The following PRP4K variants were observed in gnomAD, a reference collection of about 807,000 sequenced individuals.
PRP4K encodes serine/threonine-protein kinase PRP4 homolog.
the PRP4K span, among the ~76,000 whole-genome samples, chr6:4,035,148 G>T: frequency 6.7e-6 from 1 of 148,538 alleles, no homozygotes; most frequent in African/African-American, 2.5e-5. Context: ...ATGGAGTCTC[G>T]CTCTGTCGCC....
At chr6:4,028,968 C>T in the PRP4K span, among the ~76,000 whole-genome samples, 103,600 of 149,398 alleles carry the variant, frequency 0.69, 35,753 homozygotes, top group East Asian at 0.77. Context: ...ACTCCTAGAA[C>T]CATATATTAT....
the PRP4K span, chr6:4,032,754 A>G: frequency 6.4e-7 from 1 of 1,562,328 alleles, no homozygotes; most frequent in South Asian, 1.2e-5. Context: ...TTCTTCTCCA[A>G]GGTAACTTGT....
chr6:4,028,282 T>C, the PRP4K span, among the ~76,000 whole-genome samples: 2 of 152,130 alleles, frequency 1.3e-5, no homozygotes. Flanking sequence ...CTTTAACTCC[T>C]GGGCTCAAGT....
the PRP4K span, among the ~76,000 whole-genome samples, chr6:4,059,183 A>G: frequency 3.5e-4 from 54 of 152,190 alleles, no homozygotes; most frequent in African/African-American, 1.2e-3. Flanking sequence ...CCTGTTACCT[A>G]TGAAATAATA....
the PRP4K span, chr6:4,032,013 A>G: frequency 9.0e-5 from 145 of 1,614,088 alleles, 1 homozygote; most frequent in Non-Finnish European, 1.1e-4. Flanking sequence ...TAGATCTTCA[A>G]GTACAAAGGG....
chr6:4,031,453 T>A, the PRP4K span: 3 of 872,568 alleles, frequency 3.4e-6, no homozygotes, highest in African/African-American at 5.3e-5. Flanking sequence ...GTGACTGACT[T>A]CATGTATTAC....
the PRP4K span, chr6:4,032,604 T>A: frequency 6.2e-7 from 1 of 1,613,868 alleles, no homozygotes; most frequent in African/African-American, 1.3e-5. Context: ...ACGTGATAAA[T>A]CAAGAAGAAG....
At chr6:4,057,070 G>A in the PRP4K span, 1 of 1,605,024 alleles carries the variant, frequency 6.2e-7, no homozygotes, top group Non-Finnish European at 8.5e-7. Context: ...GTATAGATAT[G>A]TGGTCTGTAG....
the PRP4K span, among the ~76,000 whole-genome samples, chr6:4,055,054 G>A: frequency 6.6e-6 from 1 of 152,176 alleles, no homozygotes; most frequent in Non-Finnish European, 1.5e-5. Context: ...GCTGATTTTT[G>A]TTAATGAAAA....
chr6:4,056,829 C>T, the PRP4K span: 3 of 1,143,552 alleles, frequency 2.6e-6, no homozygotes, highest in South Asian at 1.6e-5. Context: ...AAGTTCCTCC[C>T]CTACACCTCC....
the PRP4K span, chr6:4,040,668 G>T: frequency 3.2e-6 from 4 of 1,231,656 alleles, no homozygotes; most frequent in Non-Finnish European, 4.5e-6. Flanking sequence ...CAGCAAAATT[G>T]AGTAGAAAGT....
the PRP4K span, chr6:4,052,679 A>G: frequency 6.9e-7 from 1 of 1,441,710 alleles, no homozygotes; most frequent in African/African-American, 1.4e-5. Context: ...TTTGCATTTT[A>G]ACTCCTATTT....
At chr6:4,032,536 G>C in the PRP4K span, 1 of 1,613,674 alleles carries the variant, frequency 6.2e-7, no homozygotes, top group Non-Finnish European at 8.5e-7. Flanking sequence ...AAAGAAAATA[G>C]GTCACCCAGC....
At chr6:4,051,872 C>A in the PRP4K span, 1 of 877,528 alleles carries the variant, frequency 1.1e-6, no homozygotes, top group Non-Finnish European at 1.7e-6. Flanking sequence ...ACCTGATCGT[C>A]ATACTGGGGC....
At chr6:4,042,974 T>C in the PRP4K span, among the ~76,000 whole-genome samples, 1 of 152,220 alleles carries the variant, frequency 6.6e-6, no homozygotes, top group African/African-American at 2.4e-5. Context: ...AATGTGAATA[T>C]GGTGGTTTAA....
chr6:4,039,530 T>A, the PRP4K span, among the ~76,000 whole-genome samples: 1 of 152,104 alleles, frequency 6.6e-6, no homozygotes, highest in South Asian at 2.1e-4. Context: ...TTCCACTGAG[T>A]TGGGGAGGGG....
At chr6:4,064,696 G>A in the PRP4K span, 1 of 152,510 alleles carries the variant, frequency 6.6e-6, no homozygotes, top group African/African-American at 2.4e-5. Flanking sequence ...AAATTCATTT[G>A]TGTTTTTTAC....
At chr6:4,029,553 C>G in the PRP4K span, among the ~76,000 whole-genome samples, 6 of 152,068 alleles carry the variant, frequency 3.9e-5, no homozygotes, top group South Asian at 1.0e-3. Flanking sequence ...AGGTCTCACT[C>G]TGTTGCCCAG....
At chr6:4,023,699 C>A in the PRP4K span, among the ~76,000 whole-genome samples, 1 of 152,114 alleles carries the variant, frequency 6.6e-6, no homozygotes, top group Admixed American at 6.6e-5. Flanking sequence ...ATTTTTATAG[C>A]TACATTAATT....
Sources: gnomAD v4.1 joint callset for allele counts (sites outside exome capture counted in the v4.1 genomes callset) on GRCh38, gnomAD v4.1.1 for gene constraint, MANE v1.5 for transcripts, NCBI Gene and HGNC (gene_info 2026-07-23, HGNC 2026-07-21) for gene names.